The following GRIK2 variants were observed in gnomAD, a reference collection of about 807,000 sequenced individuals.
GRIK2 encodes the protein glutamate receptor ionotropic, kainate 2.
GRIK2 carries 32 observed loss-of-function variants against 100.3 expected under a neutral mutation model. The ratio of observed to expected loss-of-function variants is 0.32; its 90% confidence interval spans 0.24 to 0.43. The LOEUF (loss-of-function observed/expected upper bound fraction) is 0.43. GRIK2 is among the 20% of genes least tolerant of loss of function. The pLI is 1.00. For missense variants in GRIK2, 843 were observed against 1,114.9 expected (o/e 0.76, Z 3.47); for synonymous variants, 417 against 389.4 (o/e 1.07, Z -0.83).
intron 7 of GRIK2, among the ~76,000 whole-genome samples, chr6:101,697,339 A>C (rs1772559672): frequency 1.5e-5 from 2 of 135,630 alleles, no homozygotes; most frequent in Non-Finnish European, 3.1e-5. Flanking sequence ...CTTAGGGTGT[A>C]CGTGTGTGTG....
At chr6:101,973,066 G>A (rs1270768545) in intron 14 of GRIK2, among the ~76,000 whole-genome samples, 1 of 151,650 alleles carries the variant, frequency 6.6e-6, no homozygotes, top group Non-Finnish European at 1.5e-5. Context: ...GTCTAGTAGG[G>A]ACTAACTCTC....
chr6:101,803,284 C>T (rs9399732), intron 9 of GRIK2, among the ~76,000 whole-genome samples: 34,910 of 151,562 alleles, frequency 0.23, 5,259 homozygotes, highest in East Asian at 0.69. Context: ...CTGAGACCTA[C>T]GAAGGGCTTT....
intron 9 of GRIK2, among the ~76,000 whole-genome samples, chr6:101,804,448 A>T (rs990407997): frequency 4.6e-5 from 7 of 152,014 alleles, no homozygotes; most frequent in Non-Finnish European, 7.4e-5. Flanking sequence ...GTATGAGGCC[A>T]TGAATTTAAA....
intron 14 of GRIK2, among the ~76,000 whole-genome samples, chr6:101,967,552 G>C (rs1182673773): frequency 6.6e-6 from 1 of 152,032 alleles, no homozygotes; most frequent in Admixed American, 6.6e-5. Flanking sequence ...TTCAAACACA[G>C]TTGCATAGTC....
intron 10 of GRIK2, among the ~76,000 whole-genome samples, chr6:101,833,061 G>A (rs948795912): frequency 1.3e-5 from 2 of 152,030 alleles, no homozygotes; most frequent in African/African-American, 4.8e-5. Context: ...TGTTTTTAAT[G>A]CTATAAATAT....
intron 2 of GRIK2, among the ~76,000 whole-genome samples, chr6:101,480,513 G>T (rs1772471626): frequency 6.6e-6 from 1 of 151,774 alleles, no homozygotes. Flanking sequence ...TTCCTACAAA[G>T]CCTCACTGTT....
chr6:101,774,648 T>C (rs112316874), intron 7 of GRIK2, among the ~76,000 whole-genome samples: 5 of 152,180 alleles, frequency 3.3e-5, no homozygotes, highest in African/African-American at 1.2e-4. Context: ...TAAATGGAAC[T>C]TTTAATTGAA....
intron 2 of GRIK2, among the ~76,000 whole-genome samples, chr6:101,515,181 G>T (rs1774522995): frequency 6.6e-6 from 1 of 152,024 alleles, no homozygotes; most frequent in Non-Finnish European, 1.5e-5. Flanking sequence ...ACATCACTTA[G>T]AATAATAGTC....
intron 2 of GRIK2, among the ~76,000 whole-genome samples, chr6:101,619,542 T>A (rs1780046580): frequency 1.3e-5 from 2 of 151,998 alleles, no homozygotes; most frequent in Admixed American, 6.6e-5. Context: ...AATATGATCT[T>A]TATTGCATAC....
chr6:101,741,350 T>G (rs911685694), intron 7 of GRIK2, among the ~76,000 whole-genome samples: 1 of 152,186 alleles, frequency 6.6e-6, no homozygotes, highest in Non-Finnish European at 1.5e-5. Context: ...GTCTGCAGAA[T>G]TCATCTGTTA....
At chr6:101,747,759 A>T (rs555703706) in intron 7 of GRIK2, among the ~76,000 whole-genome samples, 1 of 152,312 alleles carries the variant, frequency 6.6e-6, no homozygotes, top group Admixed American at 6.5e-5. Flanking sequence ...ACTAAATAAG[A>T]ATTAAATATT....
At chr6:101,610,665 A>T (rs1292098693) in intron 2 of GRIK2, among the ~76,000 whole-genome samples, 1 of 151,784 alleles carries the variant, frequency 6.6e-6, no homozygotes, top group Non-Finnish European at 1.5e-5. Context: ...AATCTCTGAT[A>T]TTCAGATCAT....
chr6:101,600,984 T>C (rs1399687976), intron 2 of GRIK2, among the ~76,000 whole-genome samples: 1 of 151,692 alleles, frequency 6.6e-6, no homozygotes, highest in Non-Finnish European at 1.5e-5. Flanking sequence ...GTGATGAGAG[T>C]GGGCAAGCTT....
intron 14 of GRIK2, among the ~76,000 whole-genome samples, chr6:101,981,129 C>G (rs1793692471): frequency 6.6e-6 from 1 of 151,730 alleles, no homozygotes; most frequent in Admixed American, 6.6e-5. Flanking sequence ...GCCATGCCTG[C>G]CCAGAAGCAG....
At chr6:101,538,536 C>A (rs865994852) in intron 2 of GRIK2, among the ~76,000 whole-genome samples, 1 of 151,478 alleles carries the variant, frequency 6.6e-6, no homozygotes, top group Non-Finnish European at 1.5e-5. Flanking sequence ...ATCTTGACAG[C>A]CTGAGCTCAT....
intron 7 of GRIK2, among the ~76,000 whole-genome samples, chr6:101,773,478 C>G (rs543161445): frequency 1.1e-5 from 1 of 88,940 alleles, no homozygotes; most frequent in African/African-American, 3.4e-5. Context: ...GACTTTGTCT[C>G]AAAAAAAAAA....
At chr6:101,736,336 G>A (rs535178495) in intron 7 of GRIK2, among the ~76,000 whole-genome samples, 53 of 152,236 alleles carry the variant, frequency 3.5e-4, no homozygotes, top group Non-Finnish European at 6.6e-4. Context: ...TGGATGTTCC[G>A]ACCCAACATC....
At chr6:101,880,914 C>T (rs1398463935) in intron 11 of GRIK2, among the ~76,000 whole-genome samples, 1 of 151,676 alleles carries the variant, frequency 6.6e-6, no homozygotes, top group Admixed American at 6.6e-5. Flanking sequence ...TTTCCTTGTC[C>T]TCAAAATATG....
intron 7 of GRIK2, among the ~76,000 whole-genome samples, chr6:101,797,679 T>TTA (rs1434262852): frequency 1.8e-4 from 3 of 16,388 alleles, no homozygotes; most frequent in African/African-American, 5.9e-4. Context: ...TAATAAACCA[T>TTA]TATATATTTT....
Sources: gnomAD v4.1 joint callset for allele counts (sites outside exome capture counted in the v4.1 genomes callset) on GRCh38, gnomAD v4.1.1 for gene constraint, MANE v1.5 for transcripts, NCBI Gene and HGNC (gene_info 2026-07-23, HGNC 2026-07-21) for gene names.